PLEKHA8: variants seen among roughly 807,000 people sequenced by gnomAD.
PLEKHA8 encodes the protein pleckstrin homology domain containing A8, also known as pleckstrin homology domain-containing family A member 8.
PLEKHA8 carries 36 observed loss-of-function variants against 68.2 expected under a neutral mutation model. That is an observed-to-expected ratio of 0.53 (90% CI 0.40 to 0.70). The LOEUF is 0.70. Ranked by LOEUF, PLEKHA8 falls within the 30% of genes least tolerant of loss-of-function variation. The pLI, the probability that PLEKHA8 is intolerant of heterozygous loss-of-function variation, is 0.00. For synonymous variants in PLEKHA8, 211 were observed against 216.1 expected (o/e 0.98, Z 0.20); for missense variants, 505 against 615.4 (o/e 0.82, Z 1.90).
intron 12 of PLEKHA8, among the ~76,000 whole-genome samples, chr7:30,069,143 C>G (rs1030610563): frequency 4.6e-5 from 7 of 152,204 alleles, no homozygotes; most frequent in Non-Finnish European, 7.4e-5. Flanking sequence ...ACCGTTCTCT[C>G]TAGAACTCGT....
At chr7:30,047,775 A>G in intron 3 of PLEKHA8, 57 bp from the exon 4 acceptor site, 6 of 1,520,322 alleles carry the variant, frequency 3.9e-6, no homozygotes, top group Middle Eastern at 1.8e-4. Context: ...ATAGTATCCT[A>G]ACTAGTAAAT....
rs151046408 is a variant in PLEKHA8 at position 30,115,629 on chromosome 7, T to C, written c.1363-13637T>C. 6.4e-3 allele frequency among the ~76,000 whole-genome samples: 965 copies of C among 151,758 alleles called. 6 individuals are homozygous for C. Among genetic ancestry groups the C allele is most frequent in the South Asian group, 0.025 (122 of 4,810 alleles). ...ACATTTATACATGCACACATACATGTACACATACATGCACACATGTACACA... is the reference window on the plus strand; with the variant it reads ...ACATTTATACATGCACACATACATGCACACATACATGCACACATGTACACA... On this transcript the variant is annotated intron_variant, in intron 13 of 13. Transcript: ENST00000396257.
intron 1 of PLEKHA8, among the ~76,000 whole-genome samples, chr7:30,039,165 T>A (rs1791332977): frequency 6.6e-6 from 1 of 152,242 alleles, no homozygotes. Context: ...GGTTTTTAAA[T>A]CTTTAATTTC....
intron 12 of PLEKHA8, chr7:30,071,801 T>G (rs759946073): frequency 2.0e-5 from 3 of 152,242 alleles, no homozygotes; most frequent in Non-Finnish European, 4.4e-5. Context: ...GTATCTTACC[T>G]TGGTAACTTA....
At chr7:30,058,982 G>A (rs1174795702) in intron 9 of PLEKHA8, among the ~76,000 whole-genome samples, 1 of 152,182 alleles carries the variant, frequency 6.6e-6, no homozygotes, top group Non-Finnish European at 1.5e-5. Flanking sequence ...TTAGCCAGGT[G>A]TGATGGCGCA....
intron 1 of PLEKHA8, among the ~76,000 whole-genome samples, chr7:30,031,650 C>A (rs184265656): frequency 6.6e-6 from 1 of 152,200 alleles, no homozygotes; most frequent in Non-Finnish European, 1.5e-5. Context: ...TGCATGCATG[C>A]GTCTGTGAGA....
At chr7:30,041,661 C>T (rs1407126857) in intron 1 of PLEKHA8, among the ~76,000 whole-genome samples, 1 of 152,114 alleles carries the variant, frequency 6.6e-6, no homozygotes, top group African/African-American at 2.4e-5. Flanking sequence ...TCCTAAAGTG[C>T]TGGGATTACA....
At chr7:30,128,611 C>CT (rs1201175038) in intron 13 of PLEKHA8, among the ~76,000 whole-genome samples, 1 of 151,920 alleles carries the variant, frequency 6.6e-6, no homozygotes, top group East Asian at 1.9e-4. Flanking sequence ...TGGAATTTTT[C>CT]ATTCTTTTTC....
chr7:30,118,219 T>C (rs1796629453), intron 13 of PLEKHA8: 1 of 410,172 alleles, frequency 2.4e-6, no homozygotes, highest in Non-Finnish European at 4.2e-6. Context: ...CTAAAATGCC[T>C]GAGAAAACCC....
At chr7:30,111,813 G>A (rs955577180) in intron 13 of PLEKHA8, among the ~76,000 whole-genome samples, 6 of 151,976 alleles carry the variant, frequency 3.9e-5, no homozygotes, top group African/African-American at 9.7e-5. Context: ...ACATTTCTCC[G>A]AAATACCCTT....
At chr7:30,113,220 C>T (rs1796328031) in intron 13 of PLEKHA8, among the ~76,000 whole-genome samples, 1 of 152,154 alleles carries the variant, frequency 6.6e-6, no homozygotes, top group Non-Finnish European at 1.5e-5. Context: ...TTGATTTGCT[C>T]CTTCTGGAAG....
chr7:30,042,209 G>A lies in PLEKHA8; in HGVS notation c.41-2876G>A, dbSNP rs188349621. On this transcript the variant is annotated intron_variant, in intron 1 of 13. Transcript: ENST00000449726. Reference sequence around the variant, plus strand: ...CTGCTAGCATGGAACTTAACCGTGAGCTCTCCTGGCTTGCTGATTGCAGAT... The same window carrying A: ...CTGCTAGCATGGAACTTAACCGTGAACTCTCCTGGCTTGCTGATTGCAGAT... 4.6e-5 allele frequency among the ~76,000 whole-genome samples: 7 copies of A among 152,220 alleles called. No homozygotes were observed. The East Asian group carries it at 9.6e-4, about 21-fold the overall frequency.
chr7:30,078,931 T>C lies in PLEKHA8; in HGVS notation c.*144T>C, dbSNP rs1794780910. 3 of 1,429,054 alleles carry C rather than the reference T, an allele frequency of 2.1e-6. No homozygotes were observed. The African/African-American group carries it at 4.3e-5, about 21-fold the overall frequency. 88.5% of individuals were successfully genotyped at this position (1,429,054 alleles called of 1,614,324 possible). A position where few individuals can be genotyped will look rare whatever the true frequency, so the allele number is the denominator to read the frequency against. On this transcript the variant is annotated 3_prime_UTR_variant, in exon 14 of 14. Coordinates refer to ENST00000449726, the MANE Select transcript of PLEKHA8 (RefSeq NM_001197026.2). ...AGGAGGTGGCAAAACCCAGTGCTTT[T>C]ATAATTTTTAAAATGCATATGTGTT...
chr7:30,128,088 TGTA>T (rs1796806602), intron 13 of PLEKHA8, among the ~76,000 whole-genome samples: 1 of 131,056 alleles, frequency 7.6e-6, no homozygotes, highest in South Asian at 2.8e-4. Flanking sequence ...TGAGTTTTAC[TGTA>T]TTTTTTTTTT....
Position 30,060,952 on chromosome 7 carries a change from C to T in PLEKHA8, c.1098+10C>T, listed in dbSNP as rs890783631. On this transcript the variant is annotated intron_variant, in intron 10 of 13. Transcript: ENST00000449726. Reference sequence around the variant, plus strand: ...TGTTGGAAATATTAAGGTGAGCATACTGGTTTGTCTCTGTGGAAACTTTTA... The same window carrying T: ...TGTTGGAAATATTAAGGTGAGCATATTGGTTTGTCTCTGTGGAAACTTTTA... 1.2e-6 allele frequency: 2 copies of T among 1,612,072 alleles called. No individual in the cohort carries two copies. The highest frequency in any genetic ancestry group is 1.7e-5 in the Admixed American group (1 of 59,932).
chr7:30,115,563 CAT>C (rs148710541), intron 13 of PLEKHA8, among the ~76,000 whole-genome samples: 1,172 of 51,554 alleles, frequency 0.023, 12 homozygotes, highest in Non-Finnish European at 0.037. Flanking sequence ...TACATGTAGA[CAT>C]ATGTATACAT....
chr7:30,063,192 A>G (rs905994857), intron 12 of PLEKHA8, among the ~76,000 whole-genome samples: 4 of 152,216 alleles, frequency 2.6e-5, no homozygotes, highest in African/African-American at 9.6e-5. Flanking sequence ...CTCCTCAAAT[A>G]TATAATGCTG....
chr7:30,063,543 G>A (rs1793605802), intron 12 of PLEKHA8, among the ~76,000 whole-genome samples: 1 of 152,160 alleles, frequency 6.6e-6, no homozygotes, highest in Non-Finnish European at 1.5e-5. Context: ...TGGTTTGAGA[G>A]GGAGCTAGTG....
intron 6 of PLEKHA8, among the ~76,000 whole-genome samples, chr7:30,052,461 A>C (rs933765409): frequency 1.6e-4 from 24 of 152,166 alleles, no homozygotes; most frequent in African/African-American, 5.8e-4. Context: ...ACATAGTGAC[A>C]CCCCATCTCT....
Sources: gnomAD v4.1 joint callset for allele counts (sites outside exome capture counted in the v4.1 genomes callset) on GRCh38, gnomAD v4.1.1 for gene constraint, MANE v1.5 for transcripts, NCBI Gene and HGNC (gene_info 2026-07-23, HGNC 2026-07-21) for gene names.